WDR19: variants seen among roughly 807,000 people sequenced by gnomAD.
WDR19 encodes the protein WD repeat domain 19, also known as WD repeat-containing protein 19.
WDR19 carries 121 observed loss-of-function variants against 180.0 expected under a neutral mutation model. The ratio of observed to expected loss-of-function variants is 0.67; its 90% confidence interval spans 0.58 to 0.78. The LOEUF (loss-of-function observed/expected upper bound fraction) is 0.78. WDR19 is among the 30% of genes least tolerant of loss of function. The pLI, the probability that WDR19 is intolerant of heterozygous loss-of-function variation, is 0.00. For missense variants in WDR19, 1,450 were observed against 1,640.7 expected, an observed-to-expected ratio of 0.88 and a Z score of 2.01; for synonymous variants, 497 against 540.7, an observed-to-expected ratio of 0.92 and a Z score of 1.12.
chr4:39,266,423 T>G (rs1431880570), intron 29 of WDR19, among the ~76,000 whole-genome samples: 1 of 152,230 alleles, frequency 6.6e-6, no homozygotes, highest in East Asian at 1.9e-4. Context: ...TAAGAAAGTT[T>G]ACAAATTTGT....
intron 5 of WDR19, among the ~76,000 whole-genome samples, chr4:39,199,212 A>G (rs984383485): frequency 6.6e-6 from 1 of 152,216 alleles, no homozygotes; most frequent in African/African-American, 2.4e-5. Context: ...TTATATGATA[A>G]ACGAAGAAAT....
intron 7 of WDR19, among the ~76,000 whole-genome samples, chr4:39,204,043 G>T (rs1727647431): frequency 6.6e-6 from 1 of 151,754 alleles, no homozygotes; most frequent in South Asian, 2.1e-4. Flanking sequence ...TACTCTATGA[G>T]ATGTGGTTAG....
chr4:39,244,373 A>T lies in WDR19; in HGVS notation c.2547A>T (p.Ile849=), dbSNP rs755749646. ...TCCTTAAAAGAGACTGTGGAGCCATATTGGAGAATATGAAGGTCCTCTTTT... is the reference window on the plus strand; with the variant it reads ...TCCTTAAAAGAGACTGTGGAGCCATTTTGGAGAATATGAAGGTCCTCTTTT... ...SRVLKRDCGA[I]LENMKQFSEA... The change falls in exon 22 of 37, where the codon ATA becomes ATT. Residue 849 remains isoleucine (I), a synonymous_variant. Transcript: ENST00000399820. 2 of 1,613,982 alleles carry T rather than the reference A, an allele frequency of 1.2e-6. No individual in the cohort carries two copies. The highest frequency in any genetic ancestry group is 1.1e-5 in the South Asian group (1 of 91,084).
intron 14 of WDR19, among the ~76,000 whole-genome samples, chr4:39,223,565 A>C (rs936505904): frequency 1.3e-5 from 2 of 152,008 alleles, no homozygotes; most frequent in Non-Finnish European, 2.9e-5. Flanking sequence ...GCTGGTCTGG[A>C]ACTCCTGACC....
chr4:39,231,441 C>A (rs1275138641), intron 17 of WDR19, among the ~76,000 whole-genome samples: 1 of 151,380 alleles, frequency 6.6e-6, no homozygotes, highest in Admixed American at 6.6e-5. Context: ...CTGTTTTAAA[C>A]TTCTAAATTT....
chr4:39,281,425 C>T (rs1285028559), intron 36 of WDR19, among the ~76,000 whole-genome samples: 2 of 130,082 alleles, frequency 1.5e-5, no homozygotes, highest in East Asian at 4.2e-4. Flanking sequence ...ACCCTCTCTT[C>T]TTTGCCGTTG....
intron 6 of WDR19, among the ~76,000 whole-genome samples, chr4:39,200,381 G>A (rs1727246337): frequency 6.6e-6 from 1 of 152,204 alleles, no homozygotes; most frequent in African/African-American, 2.4e-5. Flanking sequence ...TTATCTGGGT[G>A]TCTCTGCCTT....
intron 14 of WDR19, 55 bp from the exon 15 acceptor site, chr4:39,224,829 G>A (rs1577923808): frequency 1.4e-6 from 2 of 1,406,094 alleles, no homozygotes; most frequent in East Asian, 2.6e-5. Flanking sequence ...TTGAAAGTTA[G>A]GATTTCCTTG....
At chr4:39,185,003 A>C (rs1230726609) in intron 1 of WDR19, among the ~76,000 whole-genome samples, 1 of 152,208 alleles carries the variant, frequency 6.6e-6, no homozygotes, top group African/African-American at 2.4e-5. Context: ...TCAACATGTA[A>C]TCAATATAAA....
chr4:39,228,422 ATT>A (rs1730506795), intron 16 of WDR19, 62 bp from the exon 17 acceptor site: 1 of 1,602,276 alleles, frequency 6.2e-7, no homozygotes, highest in Non-Finnish European at 8.5e-7. Flanking sequence ...AAATTAAAAC[ATT>A]CTTTCTGATG....
intron 4 of WDR19, among the ~76,000 whole-genome samples, chr4:39,193,526 TTTAAA>T (rs1370790643): frequency 2.0e-5 from 3 of 152,186 alleles, no homozygotes; most frequent in Non-Finnish European, 4.4e-5. Flanking sequence ...TTCCACATAC[TTTAAA>T]TTATTTTTTC....
intron 17 of WDR19, among the ~76,000 whole-genome samples, chr4:39,230,358 G>A (rs369124065): frequency 2.0e-5 from 3 of 152,032 alleles, no homozygotes; most frequent in Non-Finnish European, 2.9e-5. Context: ...AGCCTTCCCC[G>A]ACTTCCCCAC....
intron 21 of WDR19, among the ~76,000 whole-genome samples, chr4:39,244,009 T>A (rs543165505): frequency 9.2e-5 from 14 of 152,246 alleles, no homozygotes; most frequent in African/African-American, 3.4e-4. Context: ...ATAGTAAAAA[T>A]TTGGTCTTAA....
In WDR19 at chr4:39,194,609, G is replaced by A. The variant is rs1257397069; in HGVS notation, c.356G>A (p.Gly119Glu). The change falls in exon 5 of 37, where the codon GGA becomes GAA. Residue 119 changes from glycine (G) to glutamate (E), a missense_variant. Physicochemically the swap from Gly to Glu is moderately conservative, Grantham distance 98. Coordinates refer to ENST00000399820, the MANE Select transcript of WDR19 (RefSeq NM_025132.4). ...TTCCTGGCTGTTGGAACTGTTAAAGGAAATTTGCTTATTTATAATCATCAG... is the reference window on the plus strand; with the variant it reads ...TTCCTGGCTGTTGGAACTGTTAAAGAAAATTTGCTTATTTATAATCATCAG... ...GSFLAVGTVK[G>E]NLLIYNHQTS... 6.2e-7 allele frequency: 1 copy of A among 1,613,410 alleles called. No individual in the cohort carries two copies. The highest frequency in any genetic ancestry group is 1.1e-5 in the South Asian group (1 of 90,918).
intron 20 of WDR19, among the ~76,000 whole-genome samples, chr4:39,239,472 T>C (rs1240518997): frequency 2.0e-5 from 3 of 152,062 alleles, no homozygotes; most frequent in Non-Finnish European, 4.4e-5. Context: ...TATGGTCACA[T>C]GATTGTCATT....
chr4:39,276,371 C>G (rs1735890717), intron 33 of WDR19, among the ~76,000 whole-genome samples: 1 of 152,092 alleles, frequency 6.6e-6, no homozygotes, highest in Non-Finnish European at 1.5e-5. Context: ...CATGTTTACC[C>G]CAACAGCATA....
chr4:39,212,820 G>A (rs960341383), intron 9 of WDR19, among the ~76,000 whole-genome samples: 3 of 152,092 alleles, frequency 2.0e-5, no homozygotes, highest in Middle Eastern at 3.4e-3. Context: ...TTGTTTAAAT[G>A]TCAATTATCT....
intron 9 of WDR19, among the ~76,000 whole-genome samples, chr4:39,210,155 C>T (rs764299072): frequency 6.6e-6 from 1 of 152,100 alleles, no homozygotes; most frequent in Non-Finnish European, 1.5e-5. Context: ...GAGTAGAGAA[C>T]ACTTCAACTT....
intron 10 of WDR19, among the ~76,000 whole-genome samples, chr4:39,215,072 C>T (rs1728926861): frequency 6.6e-6 from 1 of 152,126 alleles, no homozygotes; most frequent in Non-Finnish European, 1.5e-5. Flanking sequence ...TGTGCCTGGC[C>T]AGAAATAAAT....
Sources: gnomAD v4.1 joint callset for allele counts (sites outside exome capture counted in the v4.1 genomes callset) on GRCh38, gnomAD v4.1.1 for gene constraint, MANE v1.5 for transcripts, NCBI Gene and HGNC (gene_info 2026-07-23, HGNC 2026-07-21) for gene names.